ISM1: variants seen among roughly 807,000 people sequenced by gnomAD.
ISM1 encodes the protein isthmin 1.
In ISM1, 25 loss-of-function variants were observed where a neutral mutation model predicts 46.3. The ratio of observed to expected loss-of-function variants is 0.54; its 90% CI spans 0.39 to 0.75. The LOEUF (loss-of-function observed/expected upper bound fraction) is 0.75, where lower values mean the gene tolerates loss of function less well. Ranked by LOEUF, ISM1 falls within the 30% of genes least tolerant of loss-of-function variation. The probability of loss-of-function intolerance (pLI) is 0.00; values close to 1 mark genes in which losing one functional copy is unlikely to be tolerated. For synonymous variants in ISM1, 255 were observed against 256.7 expected, an observed-to-expected ratio of 0.99 and a Z score of 0.06; for missense variants, 536 against 625.4, an observed-to-expected ratio of 0.86 and a Z score of 1.52.
At position 13,299,705 on chromosome 20, in the gene ISM1, TG is replaced by T; in HGVS notation, c.*250del. 2.5e-6 allele frequency: 1 copy of T among 406,608 alleles called. No individual in the cohort carries two copies. The highest frequency in any genetic ancestry group is 4.4e-6 in the Non-Finnish European group (1 of 227,248). The allele number at this position is 406,608 out of a possible 1,614,324, so 25.2% of individuals were successfully genotyped here. ...CTGGGGAGCGATGTGGGCAGAAGGATGGGGACAACTTGGAAGCCAGAAGAAG... is the reference window on the plus strand; with the variant it reads ...CTGGGGAGCGATGTGGGCAGAAGGATGGGACAACTTGGAAGCCAGAAGAAG... On this transcript the variant is annotated 3_prime_UTR_variant, in exon 6 of 6. Coordinates refer to ENST00000262487, the MANE Select transcript of ISM1 (RefSeq NM_080826.2). This position sits in a 1 kb window ranked among gnomAD's most constrained non-coding sequence, Gnocchi z 5.8.
chr20:13,324,849 T>C, the ISM1 span, among the ~76,000 whole-genome samples: 4 of 152,212 alleles, frequency 2.6e-5, no homozygotes, highest in Non-Finnish European at 4.4e-5. Context: ...TTTAAGTTTC[T>C]TATTTTCTGG....
At chr20:13,275,897 T>C (rs562332783) in intron 2 of ISM1, among the ~76,000 whole-genome samples, 1 of 152,222 alleles carries the variant, frequency 6.6e-6, no homozygotes. Flanking sequence ...TCCAAGCCAG[T>C]TTCCGTCCCT....
chr20:13,227,696 G>A (rs2123126900), intron 1 of ISM1, among the ~76,000 whole-genome samples: 1 of 150,648 alleles, frequency 6.6e-6, no homozygotes, highest in East Asian at 2.0e-4. Flanking sequence ...TTTTAGTAGA[G>A]ACGGGGTTTC....
chr20:13,310,916 A>G, the ISM1 span, among the ~76,000 whole-genome samples: 1 of 152,236 alleles, frequency 6.6e-6, no homozygotes, highest in Non-Finnish European at 1.5e-5. Context: ...TAAAGAGGCC[A>G]GGCACGGTGG....
At chr20:13,251,820 A>G (rs1434180430) in intron 1 of ISM1, among the ~76,000 whole-genome samples, 1 of 152,068 alleles carries the variant, frequency 6.6e-6, no homozygotes, top group Non-Finnish European at 1.5e-5. Flanking sequence ...GCCACTGGGG[A>G]GGGTGAGCAC....
At chr20:13,260,819 C>T (rs58445178) in intron 1 of ISM1, among the ~76,000 whole-genome samples, 8,840 of 152,202 alleles carry the variant, frequency 0.058, 346 homozygotes, top group Middle Eastern at 0.14. Flanking sequence ...AGCTTAAACC[C>T]GCAAGGATTT....
chr20:13,292,253 C>G (rs951677588), intron 4 of ISM1, 121 bp from the exon 5 acceptor site: 2 of 643,508 alleles, frequency 3.1e-6, no homozygotes, highest in Non-Finnish European at 5.5e-6. Context: ...AGTTTCTGCC[C>G]GTGAGTAGTA....
the ISM1 span, among the ~76,000 whole-genome samples, chr20:13,312,219 G>T: frequency 6.6e-6 from 1 of 152,192 alleles, no homozygotes; most frequent in South Asian, 2.1e-4. Context: ...AAGGGAAAAT[G>T]CAATTATGCT....
chr20:13,276,464 G>A (rs753114774), intron 2 of ISM1, among the ~76,000 whole-genome samples: 8 of 152,196 alleles, frequency 5.3e-5, no homozygotes, highest in South Asian at 2.1e-4. Context: ...CAGAATTATC[G>A]AAATGGGCAC....
intron 2 of ISM1, among the ~76,000 whole-genome samples, chr20:13,279,352 A>G (rs1351938674): frequency 3.3e-5 from 5 of 152,140 alleles, no homozygotes; most frequent in Non-Finnish European, 5.9e-5. Flanking sequence ...CAGCAATCCA[A>G]CAGTCATTGT....
intron 3 of ISM1, among the ~76,000 whole-genome samples, chr20:13,288,005 T>C (rs2040312205): frequency 6.6e-6 from 1 of 152,208 alleles, no homozygotes; most frequent in Non-Finnish European, 1.5e-5. Context: ...CTGGTGTCTG[T>C]AGTCCATGTG....
chr20:13,282,143 G>A (rs2040244972), intron 3 of ISM1, among the ~76,000 whole-genome samples: 2 of 151,468 alleles, frequency 1.3e-5, no homozygotes. Flanking sequence ...ACTCACCTGG[G>A]GAATTTTTTT....
At chr20:13,301,779 C>T (rs1377055709), downstream of ISM1, among the ~76,000 whole-genome samples, 1 of 151,966 alleles carries the variant, frequency 6.6e-6, no homozygotes, top group Non-Finnish European at 1.5e-5. Context: ...GGTATTCAAG[C>T]AGAGGCTGGA....
At chr20:13,223,181 A>G (rs995680912) in intron 1 of ISM1, among the ~76,000 whole-genome samples, 5 of 147,514 alleles carry the variant, frequency 3.4e-5, no homozygotes, top group African/African-American at 1.3e-4. Flanking sequence ...ATAAAATAAA[A>G]TAAAATAAAA....
downstream of ISM1, chr20:13,300,786 G>A (rs566304117): frequency 1.3e-5 from 2 of 152,320 alleles, no homozygotes; most frequent in Non-Finnish European, 2.9e-5. Context: ...ATTGTGGGTG[G>A]TGTAAGTCAT....
intron 1 of ISM1, among the ~76,000 whole-genome samples, chr20:13,257,813 C>T (rs1016789028): frequency 6.6e-6 from 1 of 151,972 alleles, no homozygotes; most frequent in African/African-American, 2.4e-5. Flanking sequence ...TGTTCTTGAG[C>T]CAGTCCTCTG....
intron 1 of ISM1, chr20:13,245,458 T>G (rs2039781968): frequency 6.6e-6 from 1 of 152,208 alleles, no homozygotes; most frequent in Non-Finnish European, 1.5e-5. Context: ...CCATACCCTA[T>G]TTGTCAGAAG....
At chr20:13,276,341 T>C (rs2040178970) in intron 2 of ISM1, among the ~76,000 whole-genome samples, 1 of 152,228 alleles carries the variant, frequency 6.6e-6, no homozygotes, top group African/African-American at 2.4e-5. Flanking sequence ...GGTTTCCCTA[T>C]GGGAAGTGCA....
chr20:13,320,928 G>A, the ISM1 span, among the ~76,000 whole-genome samples: 2 of 152,160 alleles, frequency 1.3e-5, no homozygotes, highest in Admixed American at 6.5e-5. Flanking sequence ...GCAGAGCACA[G>A]TGGCTCATAC....
Sources: allele counts gnomAD v4.1 joint callset (sites outside exome capture counted in the v4.1 genomes callset), GRCh38; gene constraint gnomAD v4.1.1; non-coding constraint Gnocchi (gnomAD v3.1); transcripts MANE v1.5; gene names NCBI Gene and HGNC (gene_info 2026-07-23, HGNC 2026-07-21).